PPP2R2C: variants seen among roughly 807,000 people sequenced by gnomAD.
PPP2R2C encodes protein phosphatase 2 regulatory subunit Bgamma.
PPP2R2C carries 10 observed loss-of-function variants against 45.3 expected under a neutral mutation model. The observed-to-expected ratio is 0.22, with a 90% CI of 0.14 to 0.37. PPP2R2C has a LOEUF of 0.37. Among genes scored for constraint, PPP2R2C ranks in the 10% least tolerant of loss-of-function variants. The probability of loss-of-function intolerance (pLI) is 1.00; values close to 1 mark genes in which losing one functional copy is unlikely to be tolerated. For missense variants in PPP2R2C, 308 were observed against 619.7 expected, an observed-to-expected ratio of 0.50 and a Z score of 5.34; for synonymous variants, 257 against 245.4, an observed-to-expected ratio of 1.05 and a Z score of -0.44.
At chr4:6,429,692 C>G (rs10516180) in intron 1 of PPP2R2C, among the ~76,000 whole-genome samples, 15,321 of 152,176 alleles carry the variant, frequency 0.1, 1,259 homozygotes, top group East Asian at 0.42. Flanking sequence ...ATTTTATGAC[C>G]GTCTCAGAGT....
chr4:6,378,250 C>G lies in PPP2R2C; in HGVS notation c.334+157G>C, dbSNP rs745883005. On this transcript the variant is annotated intron_variant, in intron 3 of 8. Coordinates refer to ENST00000382599, the MANE Select transcript of PPP2R2C (RefSeq NM_020416.4). The surrounding 1 kb of genome is among the most constrained non-coding windows in gnomAD (Gnocchi z 5.2). The stretch of plus-strand genomic sequence containing the variant: ...AGCGTCTGAGGGGGTCTGGCATACT[C>G]ACTCATGGGATTTATATGCTGCTCA... The G allele has an allele frequency of 5.4e-6, 5 of 932,998 alleles. No individual in the cohort carries two copies. The highest frequency in any genetic ancestry group is 6.4e-6 in the Non-Finnish European group (5 of 782,802). 57.8% of individuals were successfully genotyped at this position (932,998 alleles called of 1,614,324 possible).
intron 1 of PPP2R2C, chr4:6,420,948 G>A (rs1379595896): frequency 1.0e-6 from 1 of 985,094 alleles, no homozygotes; most frequent in Non-Finnish European, 1.2e-6. Context: ...CCACCTACCA[G>A]GCAGGCCTCA....
At chr4:6,486,000 C>T (rs566056179) in intron 2 of PPP2R2C, among the ~76,000 whole-genome samples, 8 of 151,978 alleles carry the variant, frequency 5.3e-5, no homozygotes, top group African/African-American at 1.9e-4. Context: ...TAGGAACTTC[C>T]TTCTATTCCA....
Position 6,321,349 on chromosome 4 carries a change from C to G in PPP2R2C, c.*1953G>C, listed in dbSNP as rs1180243046. Reference sequence around the variant, plus strand: ...CTATCTATACAATTGACCACATTCTCGAACCTCTTTACAAGGGGGAAAAAA... The same window carrying G: ...CTATCTATACAATTGACCACATTCTGGAACCTCTTTACAAGGGGGAAAAAA... On this transcript the variant is annotated 3_prime_UTR_variant, in exon 9 of 9. Coordinates refer to ENST00000382599, the MANE Select transcript of PPP2R2C (RefSeq NM_020416.4). The G allele has an allele frequency of 1.3e-5, 2 of 152,500 alleles. No homozygotes were observed. Among genetic ancestry groups the G allele is most frequent in the East Asian group, 3.8e-4 (2 of 5,200 alleles). The allele number at this position is 152,500 out of a possible 1,614,324, so 9.4% of individuals were successfully genotyped here. A position where few individuals can be genotyped will look rare whatever the true frequency, so the allele number is the denominator to read the frequency against.
intron 1 of PPP2R2C, among the ~76,000 whole-genome samples, chr4:6,397,269 C>T (rs930939026): frequency 1.3e-5 from 2 of 152,342 alleles, no homozygotes; most frequent in Non-Finnish European, 1.5e-5. Flanking sequence ...GAGCTGGCTC[C>T]GATGACAGCC....
chr4:6,411,123 A>G (rs1718163324), intron 1 of PPP2R2C, among the ~76,000 whole-genome samples: 2 of 151,962 alleles, frequency 1.3e-5, no homozygotes, highest in Admixed American at 6.6e-5. Context: ...TACCCACCTC[A>G]GCCTCCCAAA....
At chr4:6,487,508 T>C (rs1056996840) in intron 2 of PPP2R2C, among the ~76,000 whole-genome samples, 3 of 152,134 alleles carry the variant, frequency 2.0e-5, no homozygotes, top group African/African-American at 4.8e-5. Flanking sequence ...TTTAATTTCA[T>C]GCTTTGAGGA....
At chr4:6,449,902 T>G (rs1378268709) in intron 1 of PPP2R2C, among the ~76,000 whole-genome samples, 1 of 152,250 alleles carries the variant, frequency 6.6e-6, no homozygotes, top group African/African-American at 2.4e-5. Context: ...CAGAGAGGAC[T>G]GAAAACAGCC....
intron 1 of PPP2R2C, among the ~76,000 whole-genome samples, chr4:6,388,925 GC>G (rs1403440139): frequency 3.9e-5 from 6 of 152,140 alleles, no homozygotes. Context: ...ATGAGAGTGT[GC>G]AGGCTCCAGC....
intron 2 of PPP2R2C, among the ~76,000 whole-genome samples, chr4:6,514,337 A>G (rs1310244492): frequency 2.6e-5 from 4 of 152,240 alleles, no homozygotes; most frequent in Non-Finnish European, 5.9e-5. Context: ...AAGACGAGGT[A>G]CTGCCCAGGT....
rs77994649 is a variant in PPP2R2C, at chr4:6,482,441, C to G, written c.49+52830G>C. Among the ~76,000 whole-genome samples the G allele has an allele frequency of 3.5e-3, 528 of 152,328 alleles. 4 individuals carry two copies. Among genetic ancestry groups the G allele is most frequent in the African/African-American group, 0.012 (509 of 41,568 alleles). On this transcript the variant is annotated intron_variant, in intron 2 of 9. Transcript: ENST00000506140. Reference sequence around the variant, plus strand: ...CCACTGAACCACTCTCCTATACTACCTCCGAAAGGGCTGGTACATCTTTTG... The same window carrying G: ...CCACTGAACCACTCTCCTATACTACGTCCGAAAGGGCTGGTACATCTTTTG...
At chr4:6,426,177 G>A (rs900177978) in intron 1 of PPP2R2C, among the ~76,000 whole-genome samples, 2 of 152,218 alleles carry the variant, frequency 1.3e-5, no homozygotes, top group Non-Finnish European at 2.9e-5. Flanking sequence ...GGGGTGTCAG[G>A]AAAAGGCTAC....
Position 6,329,466 on chromosome 4 carries a change from G to T in PPP2R2C, c.961-113C>A. On this transcript the variant is annotated intron_variant, in intron 7 of 8. Coordinates refer to ENST00000382599, the MANE Select transcript of PPP2R2C (RefSeq NM_020416.4). This position sits in a 1 kb window ranked among gnomAD's most constrained non-coding sequence, Gnocchi z 5.8. ...TCTGCATGCCCTGACATGGCCCAGCGCAGACCTGCTCATCTCAGCGAGGGT... is the reference window on the plus strand; with the variant it reads ...TCTGCATGCCCTGACATGGCCCAGCTCAGACCTGCTCATCTCAGCGAGGGT... The T allele has an allele frequency of 1.2e-6, 1 of 853,596 alleles. No homozygotes were observed. The highest frequency in any genetic ancestry group is 2.0e-6 in the Non-Finnish European group (1 of 512,626). 52.9% of individuals were successfully genotyped at this position (853,596 alleles called of 1,614,324 possible). A position where few individuals can be genotyped will look rare whatever the true frequency, so the allele number is the denominator to read the frequency against.
At chr4:6,464,376 C>A (rs1420804950) in intron 1 of PPP2R2C, among the ~76,000 whole-genome samples, 1 of 152,178 alleles carries the variant, frequency 6.6e-6, no homozygotes, top group Non-Finnish European at 1.5e-5. Flanking sequence ...CAGACTCCTC[C>A]AGCAGCTTCA....
At chr4:6,438,968 G>A (rs1008682027) in intron 1 of PPP2R2C, among the ~76,000 whole-genome samples, 4 of 152,134 alleles carry the variant, frequency 2.6e-5, no homozygotes, top group African/African-American at 4.8e-5. Flanking sequence ...ACACACACAC[G>A]GCAGCTTCCA....
At chr4:6,385,272 C>T (rs991879967) in intron 1 of PPP2R2C, among the ~76,000 whole-genome samples, 1 of 152,230 alleles carries the variant, frequency 6.6e-6, no homozygotes, top group East Asian at 1.9e-4. Flanking sequence ...CTGAGCACTG[C>T]TTCCTCTGGC....
At chr4:6,434,997 A>C (rs1719824634) in intron 1 of PPP2R2C, among the ~76,000 whole-genome samples, 1 of 152,200 alleles carries the variant, frequency 6.6e-6, no homozygotes, top group Admixed American at 6.5e-5. Flanking sequence ...TCACCATATC[A>C]ATATTTTCTC....
At chr4:6,392,000 G>A (rs1468567369) in intron 1 of PPP2R2C, among the ~76,000 whole-genome samples, 2 of 152,154 alleles carry the variant, frequency 1.3e-5, no homozygotes, top group Non-Finnish European at 2.9e-5. Flanking sequence ...GCTTGTGACC[G>A]ACACACAGGA....
intron 1 of PPP2R2C, among the ~76,000 whole-genome samples, chr4:6,559,401 ACACAC>A (rs1725505493): frequency 5.6e-5 from 4 of 71,048 alleles, no homozygotes; most frequent in Non-Finnish European, 1.6e-4. Context: ...CACAGCACAC[ACACAC>A]ACACACACAC....
Sources: gnomAD v4.1 joint callset for allele counts (sites outside exome capture counted in the v4.1 genomes callset) on GRCh38, gnomAD v4.1.1 for gene constraint, Gnocchi (gnomAD v3.1) non-coding constraint, MANE v1.5 for transcripts, NCBI Gene and HGNC (gene_info 2026-07-23, HGNC 2026-07-21) for gene names.